The following PPP1R10 variants were observed in gnomAD, a reference collection of about 807,000 sequenced individuals.
The protein encoded by PPP1R10 is protein phosphatase 1 regulatory subunit 10.
PPP1R10 carries 15 observed loss-of-function variants against 99.0 expected under a neutral mutation model. The ratio of observed to expected loss-of-function variants is 0.15; its 90% CI spans 0.10 to 0.23. The LOEUF is 0.23. Among genes scored for constraint, PPP1R10 ranks in the 10% least tolerant of loss-of-function variants. The pLI is 1.00. For missense variants in PPP1R10, 947 were observed against 1,259.4 expected, an observed-to-expected ratio of 0.75 and a Z score of 3.75; for synonymous variants, 430 against 449.5, an observed-to-expected ratio of 0.96 and a Z score of 0.55.
chr6:30,609,741 C>T lies in PPP1R10; in HGVS notation c.107+97G>A. The stretch of plus-strand genomic sequence containing the variant: ...TATTGCACTGACTATCTTTCCCTTT[C>T]CTTTCCAGGATCATTCCAGTGTGCC... On this transcript the variant is annotated intron_variant, in intron 3 of 19. Coordinates refer to ENST00000376511, the MANE Select transcript of PPP1R10 (RefSeq NM_002714.4). This position sits in a 1 kb window ranked among gnomAD's most constrained non-coding sequence, Gnocchi z 4.5. The T allele has an allele frequency of 9.2e-7, 1 of 1,089,898 alleles. No homozygotes were observed. The highest frequency in any genetic ancestry group is 1.4e-6 in the Non-Finnish European group (1 of 710,012). The allele number at this position is 1,089,898 out of a possible 1,614,324, so 67.5% of individuals were successfully genotyped here.
chr6:30,609,761 T>G lies in PPP1R10; in HGVS notation c.107+77A>C, dbSNP rs558803091. 33 of 1,244,556 alleles carry G rather than the reference T, an allele frequency of 2.7e-5. No individual in the cohort carries two copies. Among genetic ancestry groups the G allele is most frequent in the Admixed American group, 1.5e-4 (9 of 59,014 alleles). The allele number at this position is 1,244,556 out of a possible 1,614,324, so 77.1% of individuals were successfully genotyped here. A position where few individuals can be genotyped will look rare whatever the true frequency, so the allele number is the denominator to read the frequency against. On this transcript the variant is annotated intron_variant, in intron 3 of 19. Coordinates refer to ENST00000376511, the MANE Select transcript of PPP1R10 (RefSeq NM_002714.4). This position sits in a 1 kb window ranked among gnomAD's most constrained non-coding sequence, Gnocchi z 4.5. ...CCTTTCCTTTCCAGGATCATTCCAG[T>G]GTGCCTCAACTGCAGCCATGTTTTA...
rs1231656452 is a variant in PPP1R10, at chr6:30,616,772, G to A, written c.-306C>T. On this transcript the variant is annotated 5_prime_UTR_variant, in exon 2 of 20. Coordinates refer to ENST00000376511, the MANE Select transcript of PPP1R10 (RefSeq NM_002714.4). Reference sequence around the variant, plus strand: ...GGGAGGGTGGTTGATTATTTTTGAAGTTATGTAGTGACGGTCCTTCGGCCA... The same window carrying A: ...GGGAGGGTGGTTGATTATTTTTGAAATTATGTAGTGACGGTCCTTCGGCCA... 1 of 152,186 alleles carries A rather than the reference G, an allele frequency of 6.6e-6. No homozygotes were observed. The highest frequency in any genetic ancestry group is 1.5e-5 in the Non-Finnish European group (1 of 68,032). 9.4% of individuals were successfully genotyped at this position (152,186 alleles called of 1,614,324 possible).
rs1803589430 is a variant in PPP1R10 at position 30,603,499 on chromosome 6, A to G, written c.1740T>C (p.Asn580=). The part of the protein sequence containing the change: ...GPQGPGGGGI[N]VQEILTSIMG... Reference sequence around the variant, plus strand: ...TGATGGAGGTGAGGATCTCTTGGACATTAATGCCTCCTCCTCCAGGGCCTT... The same window carrying G: ...TGATGGAGGTGAGGATCTCTTGGACGTTAATGCCTCCTCCTCCAGGGCCTT... The change falls in exon 16 of 20, where the codon AAT becomes AAC. Residue 580 remains asparagine (N), a synonymous_variant. Coordinates refer to ENST00000376511, the MANE Select transcript of PPP1R10 (RefSeq NM_002714.4). 9 of 1,612,384 alleles carry G rather than the reference A, an allele frequency of 5.6e-6. No individual in the cohort carries two copies. The highest frequency in any genetic ancestry group is 2.2e-5 in the East Asian group (1 of 44,866).
chr6:30,612,795 C>T (rs979167763), intron 2 of PPP1R10, among the ~76,000 whole-genome samples: 5 of 152,126 alleles, frequency 3.3e-5, no homozygotes, highest in Non-Finnish European at 7.4e-5. Context: ...AATGTAAAGT[C>T]CAACATTTCG....
At chr6:30,607,437 C>A (rs1804067045) in intron 6 of PPP1R10, among the ~76,000 whole-genome samples, 1 of 152,220 alleles carries the variant, frequency 6.6e-6, no homozygotes, top group South Asian at 2.1e-4. Flanking sequence ...AATAACATCT[C>A]TGATCTATGG....
chr6:30,608,615 A>G (rs971578880), intron 5 of PPP1R10, among the ~76,000 whole-genome samples, 164 bp downstream of exon 5: 8 of 152,072 alleles, frequency 5.3e-5, no homozygotes, highest in African/African-American at 1.9e-4. Context: ...CACACCTATT[A>G]AAGGAGATAA....
In PPP1R10 at chr6:30,606,160, G is replaced by A; in HGVS notation, c.718C>T (p.Pro240Ser). The A allele has an allele frequency of 6.2e-7, 1 of 1,614,118 alleles. No homozygotes were observed. The highest frequency in any genetic ancestry group is 8.5e-7 in the Non-Finnish European group (1 of 1,180,022). The stretch of plus-strand genomic sequence containing the variant: ...TACCTCTGACGTTTGAGGGGGATGG[G>A]TTTAAGGTTGTACTTGTCAGAAACC... ...VVVSDKYNLKPIPLKRQSNVA... is the reference protein window; with the variant it reads ...VVVSDKYNLKSIPLKRQSNVA... The change falls in exon 9 of 20, where the codon CCC (proline) becomes TCC (serine). Residue 240 changes from proline to serine, a missense_variant. Pro to Ser is a moderately conservative substitution (Grantham distance 74). Coordinates refer to ENST00000376511, the MANE Select transcript of PPP1R10 (RefSeq NM_002714.4). This position sits in a 1 kb window ranked among gnomAD's most constrained non-coding sequence, Gnocchi z 6.3.
At position 30,604,262 on chromosome 6, in the gene PPP1R10, CAG is replaced by C; in HGVS notation, c.1262-10_1262-9del. 3 of 1,613,940 alleles carry C rather than the reference CAG, an allele frequency of 1.9e-6. No homozygotes were observed. Among genetic ancestry groups the C allele is most frequent in the Non-Finnish European group, 2.5e-6 (3 of 1,179,822 alleles). The stretch of plus-strand genomic sequence containing the variant: ...TGATCTTATTCACATTTACTGTCGG[CAG>C]GGGAAGAAAAGCAAGAGGGAAAGTA... On this transcript the variant is annotated splice_polypyrimidine_tract_variant and intron_variant, in intron 13 of 19. Transcript: ENST00000376511. The surrounding 1 kb of genome is among the most constrained non-coding windows in gnomAD (Gnocchi z 7.3).
Position 30,602,792 on chromosome 6 carries a change from A to G in PPP1R10, c.1957+54T>C, listed in dbSNP as rs1008136660. On this transcript the variant is annotated intron_variant, in intron 18 of 19. Transcript: ENST00000376511. This position sits in a 1 kb window ranked among gnomAD's most constrained non-coding sequence, Gnocchi z 6.7. The stretch of plus-strand genomic sequence containing the variant: ...ACCTTCCAGTCAATCCTATACTATT[A>G]TCAGACTGAAATTAAGCAGATAAGC... The G allele has an allele frequency of 1.0e-5, 16 of 1,546,302 alleles. No individual in the cohort carries two copies. The highest frequency in any genetic ancestry group is 1.4e-5 in the Non-Finnish European group (16 of 1,139,294).
Position 30,600,701 on chromosome 6 carries a change from G to C in PPP1R10, c.*848C>G, listed in dbSNP as rs2127433233. On this transcript the variant is annotated 3_prime_UTR_variant, in exon 20 of 20. Transcript: ENST00000376511. ...CTGGCAAGGTTCCAGGTGGGAGCAGGGAGTGAGCTGACTCCCAAAGGCAGT... is the reference window on the plus strand; with the variant it reads ...CTGGCAAGGTTCCAGGTGGGAGCAGCGAGTGAGCTGACTCCCAAAGGCAGT... 6.5e-6 allele frequency: 1 copy of C among 152,692 alleles called. No individual in the cohort carries two copies. The highest frequency in any genetic ancestry group is 2.1e-4 in the South Asian group (1 of 4,822). 9.5% of individuals were successfully genotyped at this position (152,692 alleles called of 1,614,324 possible).
intron 2 of PPP1R10, among the ~76,000 whole-genome samples, chr6:30,611,069 G>A (rs1561847299): frequency 6.6e-6 from 1 of 152,324 alleles, no homozygotes; most frequent in East Asian, 1.9e-4. Flanking sequence ...AGCACTTTGG[G>A]AGGCCAAGGT....
chr6:30,610,669 C>T (rs952875185), intron 2 of PPP1R10, among the ~76,000 whole-genome samples: 1 of 152,170 alleles, frequency 6.6e-6, no homozygotes, highest in Non-Finnish European at 1.5e-5. Flanking sequence ...AAACACTACA[C>T]AAGTTTTTAC....
At chr6:30,601,872 C>G in intron 19 of PPP1R10, 64 bp downstream of exon 19, 1 of 1,448,728 alleles carries the variant, frequency 6.9e-7, no homozygotes, top group South Asian at 1.4e-5. Context: ...GTGACTCTCA[C>G]CCACTCCCCA....
chr6:30,601,919 A>G lies in PPP1R10; in HGVS notation c.2713+17T>C. On this transcript the variant is annotated intron_variant, in intron 19 of 19. Coordinates refer to ENST00000376511, the MANE Select transcript of PPP1R10 (RefSeq NM_002714.4). ...GGGACAACCAAAAGGCATATGGGGGACAGGGAGCATCCTCACCTCCTCCAT... is the reference window on the plus strand; with the variant it reads ...GGGACAACCAAAAGGCATATGGGGGGCAGGGAGCATCCTCACCTCCTCCAT... 2 of 1,495,062 alleles carry G rather than the reference A, an allele frequency of 1.3e-6. No individual in the cohort carries two copies. The highest frequency in any genetic ancestry group is 1.8e-4 in the Middle Eastern group (1 of 5,560). 92.6% of individuals were successfully genotyped at this position (1,495,062 alleles called of 1,614,324 possible).
At position 30,609,959 on chromosome 6, in the gene PPP1R10, T is replaced by C. The variant is rs375050664; in HGVS notation, c.-11-4A>G. The C allele has an allele frequency of 4.4e-6, 7 of 1,600,128 alleles. No individual in the cohort carries two copies. The Admixed American group carries it at 5.0e-5, about 11-fold the overall frequency. The stretch of plus-strand genomic sequence containing the variant: ...CCCGAACCCATGATGGTGGTTTCTA[T>C]GGTAAGAGGACAAAACAAACAAACC... On this transcript the variant is annotated splice_polypyrimidine_tract_variant and splice_region_variant and intron_variant, in intron 2 of 19. Coordinates refer to ENST00000376511, the MANE Select transcript of PPP1R10 (RefSeq NM_002714.4). The surrounding 1 kb of genome is among the most constrained non-coding windows in gnomAD (Gnocchi z 4.5).
Position 30,601,451 on chromosome 6 carries a change from G to T in PPP1R10, c.*98C>A. On this transcript the variant is annotated 3_prime_UTR_variant, in exon 20 of 20. Transcript: ENST00000376511. Reference sequence around the variant, plus strand: ...GAGGGGGCCGGCTCCTCATCAGCTGGGGAAAAGGGAAAATGGGCCTCACAG... The same window carrying T: ...GAGGGGGCCGGCTCCTCATCAGCTGTGGAAAAGGGAAAATGGGCCTCACAG... The T allele has an allele frequency of 9.5e-7, 1 of 1,055,118 alleles. No homozygotes were observed. Among genetic ancestry groups the T allele is most frequent in the Non-Finnish European group, 1.4e-6 (1 of 710,166 alleles). 65.4% of individuals were successfully genotyped at this position (1,055,118 alleles called of 1,614,324 possible). A position where few individuals can be genotyped will look rare whatever the true frequency, so the allele number is the denominator to read the frequency against.
At position 30,602,264 on chromosome 6, in the gene PPP1R10, T is replaced by A. The variant is rs756719904; in HGVS notation, c.2385A>T (p.Gly795=). Reference sequence around the variant, plus strand: ...CAGGGCCTTCGTGGGGACGATGTCCTCCACCCCCACCCATGCTACCACCAG... The same window carrying A: ...CAGGGCCTTCGTGGGGACGATGTCCACCACCCCCACCCATGCTACCACCAG... ...EGPGGSMGGG[G]GHRPHEGPGG... The change falls in exon 19 of 20, where the codon GGA becomes GGT. Residue 795 remains glycine, a synonymous_variant. Transcript: ENST00000376511. The surrounding 1 kb of genome is among the most constrained non-coding windows in gnomAD (Gnocchi z 6.7). The A allele has an allele frequency of 2.5e-6, 4 of 1,608,192 alleles. No individual in the cohort carries two copies. Among genetic ancestry groups the A allele is most frequent in the Non-Finnish European group, 1.7e-6 (2 of 1,178,006 alleles).
chr6:30,606,006 G>C lies in PPP1R10; in HGVS notation c.770C>G (p.Pro257Arg). 1 of 1,614,014 alleles carries C rather than the reference G, an allele frequency of 6.2e-7. No homozygotes were observed. Among genetic ancestry groups the C allele is most frequent in the Non-Finnish European group, 8.5e-7 (1 of 1,179,982 alleles). Residue 257 changes from proline to arginine, a missense_variant, in exon 10 of 20, where the codon CCC (proline) becomes CGC (arginine). Pro to Arg is a moderately radical substitution (Grantham distance 103). Around this residue, in one of 10 missense-constraint regions of PPP1R10, gnomAD observed 39 missense variants for 34.4 expected, o/e 1.14. Coordinates refer to ENST00000376511, the MANE Select transcript of PPP1R10 (RefSeq NM_002714.4). This position sits in a 1 kb window ranked among gnomAD's most constrained non-coding sequence, Gnocchi z 6.3. ...TGGCTTGTATTTCTTCTCTGCAGGG[G>C]GAGTGGCATCTCCTGGAGCAGCTAC... ...SNVAAPGDAT[P>R]PAEKKYKPLN...
At chr6:30,601,814 G>T in intron 19 of PPP1R10, 122 bp downstream of exon 19, 1 of 1,328,712 alleles carries the variant, frequency 7.5e-7, no homozygotes, top group Non-Finnish European at 1.0e-6. Flanking sequence ...TGCATACTAG[G>T]ACATCAAAGA....
Sources: gnomAD v4.1 joint callset for allele counts (sites outside exome capture counted in the v4.1 genomes callset) on GRCh38, gnomAD v4.1.1 for gene constraint, gnomAD v4.1.1 regional missense constraint, Gnocchi (gnomAD v3.1) non-coding constraint, MANE v1.5 for transcripts, NCBI Gene and HGNC (gene_info 2026-07-23, HGNC 2026-07-21) for gene names.